Variants in ANKRD17 observed in about 807,000 individuals in gnomAD.
ANKRD17 encodes the protein ankyrin repeat domain-containing protein 17.
In ANKRD17, 19 loss-of-function variants were observed where a neutral mutation model predicts 229.7. The ratio of observed to expected loss-of-function variants is 0.08; its 90% CI spans 0.06 to 0.12. The LOEUF (loss-of-function observed/expected upper bound fraction) is 0.12, where lower values mean the gene tolerates loss of function less well. Among genes scored for constraint, ANKRD17 ranks in the 10% least tolerant of loss-of-function variants. The pLI is 1.00. For synonymous variants in ANKRD17, 1,112 were observed against 1,146.1 expected, an observed-to-expected ratio of 0.97 and a Z score of 0.60; for missense variants, 2,176 against 3,176.8, an observed-to-expected ratio of 0.68 and a Z score of 7.57.
At chr4:73,155,040 C>T (rs891830186) in intron 5 of ANKRD17, among the ~76,000 whole-genome samples, 1 of 59,586 alleles carries the variant, frequency 1.7e-5, no homozygotes, top group Admixed American at 1.9e-4. Flanking sequence ...GACTCCGTCT[C>T]AAAAAAAAAA....
At chr4:73,142,597 A>C in intron 12 of ANKRD17, 43 bp downstream of exon 12, 4 of 1,613,496 alleles carry the variant, frequency 2.5e-6, no homozygotes, top group Non-Finnish European at 3.4e-6. Context: ...ACCAAGAGAG[A>C]AATACTAATT....
intron 1 of ANKRD17, among the ~76,000 whole-genome samples, chr4:73,214,384 C>G (rs778154742): frequency 6.6e-6 from 1 of 152,174 alleles, no homozygotes; most frequent in Admixed American, 6.5e-5. Context: ...TACTGTAAAA[C>G]AGCAGTTGTG....
chr4:73,108,658 A>G (rs1384708819), intron 24 of ANKRD17, among the ~76,000 whole-genome samples: 2 of 152,204 alleles, frequency 1.3e-5, no homozygotes, highest in Non-Finnish European at 2.9e-5. Flanking sequence ...AAGTTACTGG[A>G]AACCACAAAA....
At chr4:73,155,913 T>C in intron 4 of ANKRD17, 106 bp downstream of exon 4, 1 of 1,489,638 alleles carries the variant, frequency 6.7e-7, no homozygotes, top group African/African-American at 1.4e-5. Context: ...CAAAACTATT[T>C]GTTGAAATAA....
intron 24 of ANKRD17, among the ~76,000 whole-genome samples, chr4:73,107,759 G>A (rs902731284): frequency 6.6e-6 from 1 of 152,160 alleles, no homozygotes; most frequent in Non-Finnish European, 1.5e-5. Flanking sequence ...TCGGGGAACA[G>A]TATCAGGAGG....
chr4:73,256,726 C>G (rs1256268017), intron 1 of ANKRD17, among the ~76,000 whole-genome samples: 1 of 152,186 alleles, frequency 6.6e-6, no homozygotes, highest in African/African-American at 2.4e-5. Context: ...GACCCCATTA[C>G]ATCTTTCTCT....
rs947885581 is a variant in ANKRD17 at position 73,098,664 on chromosome 4, G to A, written c.4574-144C>T. 4.0e-5 allele frequency: 34 copies of A among 858,616 alleles called. No individual in the cohort carries two copies. The Admixed American group carries it at 8.3e-4, about 21-fold the overall frequency. 53.2% of individuals were successfully genotyped at this position (858,616 alleles called of 1,614,324 possible). On this transcript the variant is annotated intron_variant, in intron 25 of 33. Transcript: ENST00000358602. Reference sequence around the variant, plus strand: ...AGTTATTCTCACATTCATCGGTAATGAGCTGGATAGGACTGATATACTCTG... The same window carrying A: ...AGTTATTCTCACATTCATCGGTAATAAGCTGGATAGGACTGATATACTCTG...
At chr4:73,118,557 T>A (rs1338276769) in intron 22 of ANKRD17, 131 bp downstream of exon 22, 2 of 995,278 alleles carry the variant, frequency 2.0e-6, no homozygotes, top group East Asian at 2.4e-5. Context: ...GCCATAAGAG[T>A]AATTATTTGC....
Position 73,246,077 on chromosome 4 carries a change from A to T in ANKRD17, c.393+12199T>A, listed in dbSNP as rs59391076. ...ACTACTTCAAATGTGGCTAAGGAAG[A>T]TAACAAACAAGAAAGAATCATCTAA... On this transcript the variant is annotated intron_variant, in intron 1 of 33. Transcript: ENST00000358602. Among the ~76,000 whole-genome samples, 277 of 152,328 alleles carry T rather than the reference A, an allele frequency of 1.8e-3. 2 individuals carry two copies. The highest frequency in any genetic ancestry group is 6.2e-3 in the African/African-American group (258 of 41,572).
chr4:73,092,303 A>G lies in ANKRD17; in HGVS notation c.5328-3T>C. On this transcript the variant is annotated splice_region_variant and splice_polypyrimidine_tract_variant and intron_variant, in intron 28 of 33. Coordinates refer to ENST00000358602, the MANE Select transcript of ANKRD17 (RefSeq NM_032217.5). ...GTCTTGTTGATTCAGTGCCACCCCTATAAATTGAGAAAAAAAAATTAGGTA... is the reference window on the plus strand; with the variant it reads ...GTCTTGTTGATTCAGTGCCACCCCTGTAAATTGAGAAAAAAAAATTAGGTA... The G allele has an allele frequency of 6.3e-7, 1 of 1,585,892 alleles. No individual in the cohort carries two copies. The highest frequency in any genetic ancestry group is 1.2e-5 in the South Asian group (1 of 86,060).
Position 73,258,617 on chromosome 4 carries a change from C to A in ANKRD17, c.52G>T (p.Gly18Trp). 6.7e-7 allele frequency: 1 copy of A among 1,487,768 alleles called. No homozygotes were observed. 92.2% of individuals were successfully genotyped at this position (1,487,768 alleles called of 1,614,324 possible). A position where few individuals can be genotyped will look rare whatever the true frequency, so the allele number is the denominator to read the frequency against. The change falls in exon 1 of 34, where the codon GGG (glycine) becomes TGG (tryptophan). Residue 18 changes from glycine (G) to tryptophan (W), a missense_variant. Coordinates refer to ENST00000358602, the MANE Select transcript of ANKRD17 (RefSeq NM_032217.5). ...ACAGCCGCCACCGCCGGGGGGCTCC[C>A]TTCTCCTTCTGCAGCCGTCGCCGCC... ...VAAATAAEGEGSPPAVAAVAG... is the reference protein window; with the variant it reads ...VAAATAAEGEWSPPAVAAVAG...
chr4:73,076,374 T>C (rs1429887793), intron 33 of ANKRD17, 84 bp from the exon 34 acceptor site: 1 of 1,074,262 alleles, frequency 9.3e-7, no homozygotes, highest in South Asian at 2.2e-5. Context: ...ACTAAGGAGG[T>C]ACTCTTCAAT....
At chr4:73,118,189 A>C (rs1392841617) in intron 22 of ANKRD17, among the ~76,000 whole-genome samples, 2 of 151,890 alleles carry the variant, frequency 1.3e-5, no homozygotes, top group South Asian at 2.1e-4. Context: ...GCTAATTTTT[A>C]TAATTTTTGT....
chr4:73,077,619 T>C (rs1005167299), intron 31 of ANKRD17, 86 bp from the exon 32 acceptor site: 59 of 1,218,920 alleles, frequency 4.8e-5, no homozygotes, highest in Non-Finnish European at 6.3e-5. Context: ...TTTTCCACAT[T>C]GAACCGTAAA....
intron 2 of ANKRD17, 24 bp downstream of exon 2, chr4:73,177,356 C>T (rs1560659606): frequency 1.3e-6 from 2 of 1,492,426 alleles, no homozygotes; most frequent in South Asian, 1.5e-5. Context: ...ACAAGGTAGA[C>T]TTATTACTAT....
Position 73,094,214 on chromosome 4 carries a change from G to A in ANKRD17, c.5192C>T (p.Ser1731Phe). The A allele has an allele frequency of 3.7e-6, 6 of 1,613,260 alleles. No homozygotes were observed. Among genetic ancestry groups the A allele is most frequent in the Non-Finnish European group, 4.2e-6 (5 of 1,179,478 alleles). Residue 1731 changes from serine (S) to phenylalanine (F), a missense_variant, in exon 28 of 34, where the codon TCT (serine) becomes TTT (phenylalanine). Around this residue, in one of 18 missense-constraint regions of ANKRD17, gnomAD observed 27 missense variants for 89.2 expected, o/e 0.30. Coordinates refer to ENST00000358602, the MANE Select transcript of ANKRD17 (RefSeq NM_032217.5). Reference sequence around the variant, plus strand: ...TCTGGATATCACAGTTGATGGAACAGATACTTTCTTTGACCTGTTTAAAAG... The same window carrying A: ...TCTGGATATCACAGTTGATGGAACAAATACTTTCTTTGACCTGTTTAAAAG... ...KEVVRRSKKV[S>F]VPSTVISRVI... is the part of the protein sequence containing the mutation.
chr4:73,086,950 A>ATATATC (rs1395320739), intron 29 of ANKRD17, among the ~76,000 whole-genome samples: 4 of 94,190 alleles, frequency 4.2e-5, no homozygotes, highest in African/African-American at 1.2e-4. Context: ...ATATATATAT[A>ATATATC]TATCTGTAGG....
intron 15 of ANKRD17, among the ~76,000 whole-genome samples, chr4:73,138,864 G>A (rs1033918008): frequency 2.0e-5 from 3 of 151,792 alleles, no homozygotes; most frequent in African/African-American, 4.8e-5. Context: ...AGTTATAATC[G>A]AATAAAATTT....
At chr4:73,099,494 C>G (rs1429747061) in intron 25 of ANKRD17, among the ~76,000 whole-genome samples, 1 of 152,226 alleles carries the variant, frequency 6.6e-6, no homozygotes, top group Non-Finnish European at 1.5e-5. Context: ...CAACACTGCT[C>G]TCTGGTGATG....
Sources: gnomAD v4.1 joint callset for allele counts (sites outside exome capture counted in the v4.1 genomes callset) on GRCh38, gnomAD v4.1.1 for gene constraint, gnomAD v4.1.1 regional missense constraint, MANE v1.5 for transcripts, NCBI Gene and HGNC (gene_info 2026-07-23, HGNC 2026-07-21) for gene names.